AP2A2: variants seen among roughly 807,000 people sequenced by gnomAD.
The protein encoded by AP2A2 is AP-2 complex subunit alpha-2.
In AP2A2, 32 loss-of-function variants were observed where a neutral mutation model predicts 104.2. The ratio of observed to expected loss-of-function variants is 0.31; its 90% CI spans 0.23 to 0.41. AP2A2 has a LOEUF of 0.41. AP2A2 is among the 10% of genes least tolerant of loss of function. The pLI is 1.00. For missense variants in AP2A2, 912 were observed against 1,261.0 expected (o/e 0.72, Z 4.19); for synonymous variants, 539 against 533.3 (o/e 1.01, Z -0.15).
chr11:1,005,773 C>T (rs561165374), intron 16 of AP2A2, among the ~76,000 whole-genome samples: 1 of 152,292 alleles, frequency 6.6e-6, no homozygotes, highest in East Asian at 1.9e-4. Flanking sequence ...CAGGTGGTGC[C>T]TTTAGTCCTG....
At chr11:1,003,256 G>A (rs1382905075) in intron 15 of AP2A2, among the ~76,000 whole-genome samples, 1 of 152,238 alleles carries the variant, frequency 6.6e-6, no homozygotes, top group Non-Finnish European at 1.5e-5. Flanking sequence ...GGCCCTGCAG[G>A]GCTGTGCTGC....
intron 1 of AP2A2, among the ~76,000 whole-genome samples, chr11:958,339 C>A: frequency 6.6e-6 from 1 of 152,220 alleles, no homozygotes; most frequent in East Asian, 1.9e-4. Flanking sequence ...TTCAGCCGCC[C>A]CGTCTGGGGT....
intron 1 of AP2A2, among the ~76,000 whole-genome samples, chr11:928,301 T>G (rs140981004): frequency 2.4e-4 from 36 of 152,376 alleles, no homozygotes; most frequent in African/African-American, 7.7e-4. Context: ...CAGTTCTTTT[T>G]TATTATTGGC....
chr11:1,000,084 G>T (rs540701306), intron 14 of AP2A2, among the ~76,000 whole-genome samples: 3 of 152,170 alleles, frequency 2.0e-5, no homozygotes, highest in Non-Finnish European at 4.4e-5. Flanking sequence ...GGGATGACAG[G>T]TGTGAGCCAC....
At chr11:976,615 A>T (rs991113534) in intron 4 of AP2A2, among the ~76,000 whole-genome samples, 2 of 150,224 alleles carry the variant, frequency 1.3e-5, no homozygotes, top group African/African-American at 2.4e-5. Context: ...CCGTGTCTGT[A>T]GGGACCCGAA....
chr11:974,682 C>CAA (rs747053947), intron 4 of AP2A2, among the ~76,000 whole-genome samples: 74 of 49,602 alleles, frequency 1.5e-3, no homozygotes, highest in Admixed American at 6.1e-3. Flanking sequence ...GACTCTGTCT[C>CAA]AAAAAAAAAA....
At chr11:939,669 C>CCCTGA (rs1354637804) in intron 1 of AP2A2, among the ~76,000 whole-genome samples, 7 of 151,704 alleles carry the variant, frequency 4.6e-5, no homozygotes, top group Admixed American at 3.9e-4. Flanking sequence ...GGTTTTGAAC[C>CCCTGA]CCTGACCTCA....
chr11:988,882 C>T, intron 10 of AP2A2, 193 bp downstream of exon 10: 1 of 729,252 alleles, frequency 1.4e-6, no homozygotes, highest in Non-Finnish European at 2.2e-6. Context: ...GTGGTCCCCG[C>T]TACTCCTGAG....
Position 1,001,774 on chromosome 11 carries a change from G to A in AP2A2, c.2123+1176G>A, listed in dbSNP as rs78065365. 2.8e-3 allele frequency among the ~76,000 whole-genome samples: 424 copies of A among 152,314 alleles called. 13 individuals are homozygous for A. The East Asian group carries it at 0.075, about 27-fold the overall frequency. On this transcript the variant is annotated intron_variant, in intron 15 of 21. Transcript: ENST00000448903. ...GTGGCAGCCGTGGCCCTTCCCTGCT[G>A]GGCGCTGCCTGCCCTGTCTCCATAC...
chr11:935,050 G>C (rs1462627196), intron 1 of AP2A2, among the ~76,000 whole-genome samples: 1 of 125,624 alleles, frequency 8.0e-6, no homozygotes, highest in Non-Finnish European at 1.7e-5. Context: ...GTAGAGATGG[G>C]GTTTCACCAT....
chr11:993,307 C>T lies in AP2A2; in HGVS notation c.1476C>T (p.His492=), dbSNP rs373961196. Residue 492 remains histidine (H), a synonymous_variant, in exon 12 of 22, where the codon CAC becomes CAT. Transcript: ENST00000448903. The surrounding 1 kb of genome is among the most constrained non-coding windows in gnomAD (Gnocchi z 8.2). ...VFEALQAPAC[H]ENLVKVGGYI... ...AGGCTCTTCAGGCTCCCGCGTGCCA[C>T]GAGAACCTGGTCAAAGTGGGCGGCT... The T allele has an allele frequency of 3.2e-5, 52 of 1,611,436 alleles. No individual in the cohort carries two copies. Among genetic ancestry groups the T allele is most frequent in the East Asian group, 6.7e-5 (3 of 44,726 alleles).
chr11:954,810 T>C (rs1854182754), intron 1 of AP2A2, among the ~76,000 whole-genome samples: 1 of 152,168 alleles, frequency 6.6e-6, no homozygotes, highest in Admixed American at 6.6e-5. Flanking sequence ...AACTTGTCTC[T>C]GTTTCTGTCC....
chr11:993,723 G>A lies in AP2A2; in HGVS notation c.1551-31G>A. ...TGCTGCAGCCTGCGAGGGGACGACGGTGTCCCTGTGTTGTGCCTCCCCGTC... is the reference window on the plus strand; with the variant it reads ...TGCTGCAGCCTGCGAGGGGACGACGATGTCCCTGTGTTGTGCCTCCCCGTC... On this transcript the variant is annotated intron_variant, in intron 12 of 21. Transcript: ENST00000448903. The surrounding 1 kb of genome is among the most constrained non-coding windows in gnomAD (Gnocchi z 8.2). 4 of 1,526,706 alleles carry A rather than the reference G, an allele frequency of 2.6e-6. No individual in the cohort carries two copies. The highest frequency in any genetic ancestry group is 3.5e-6 in the Non-Finnish European group (4 of 1,128,508). 94.6% of individuals were successfully genotyped at this position (1,526,706 alleles called of 1,614,324 possible). A position where few individuals can be genotyped will look rare whatever the true frequency, so the allele number is the denominator to read the frequency against.
chr11:992,769 GGAGGTGCC>G lies in AP2A2; in HGVS notation c.1452+89_1452+96del. 6.6e-7 allele frequency: 1 copy of G among 1,514,686 alleles called. No individual in the cohort carries two copies. Among genetic ancestry groups the G allele is most frequent in the Non-Finnish European group, 9.1e-7 (1 of 1,101,470 alleles). 93.8% of individuals were successfully genotyped at this position (1,514,686 alleles called of 1,614,324 possible). A position where few individuals can be genotyped will look rare whatever the true frequency, so the allele number is the denominator to read the frequency against. ...GTGAGTGGTTCCAGCCTGCCTGCGTGGAGGTGCCGAGGGCCGTTGCTGACCCCTCTTGC... is the reference window on the plus strand; with the variant it reads ...GTGAGTGGTTCCAGCCTGCCTGCGTGGAGGGCCGTTGCTGACCCCTCTTGC... On this transcript the variant is annotated intron_variant, in intron 11 of 21. Transcript: ENST00000448903. The surrounding 1 kb of genome is among the most constrained non-coding windows in gnomAD (Gnocchi z 6.4).
In AP2A2 at chr11:981,270, G is replaced by A. The variant is rs769638278; in HGVS notation, c.676G>A (p.Val226Met). The part of the protein sequence containing the change: ...QKNPEEFKTS[V>M]SLAVSRLSRI... The stretch of plus-strand genomic sequence containing the variant: ...GAACCCAGAAGAGTTTAAAACCTCC[G>A]TGTCTCTGGCTGTCTCTAGGCTAAG... Residue 226 changes from valine to methionine, a missense_variant, in exon 6 of 22, where the codon GTG becomes ATG. This residue lies in a region of AP2A2 where 350 missense variants were observed against 487.0 expected (regional missense o/e 0.72). Transcript: ENST00000448903. 12 of 1,613,318 alleles carry A rather than the reference G, an allele frequency of 7.4e-6. No homozygotes were observed. The highest frequency in any genetic ancestry group is 4.0e-5 in the African/African-American group (3 of 74,930).
intron 10 of AP2A2, among the ~76,000 whole-genome samples, chr11:991,980 G>A (rs927716100): frequency 5.3e-5 from 8 of 152,090 alleles, no homozygotes; most frequent in African/African-American, 1.4e-4. Flanking sequence ...AGGTGCCTCC[G>A]GGGGGCACCC....
At chr11:935,841 G>A (rs530860870) in intron 1 of AP2A2, among the ~76,000 whole-genome samples, 4 of 149,936 alleles carry the variant, frequency 2.7e-5, no homozygotes, top group East Asian at 2.0e-4. Context: ...TGATCCACCC[G>A]CCTTGGCCTC....
intron 1 of AP2A2, among the ~76,000 whole-genome samples, chr11:937,690 C>T (rs1426019836): frequency 6.6e-6 from 1 of 152,114 alleles, no homozygotes; most frequent in Admixed American, 6.5e-5. Context: ...GATTGAATAT[C>T]TCATGTAATT....
chr11:1,007,731 C>G, intron 17 of AP2A2: 1 of 529,702 alleles, frequency 1.9e-6, no homozygotes, highest in Non-Finnish European at 3.4e-6. Context: ...TGTGTAAGAC[C>G]CAGAGCCGAG....
Sources: allele counts gnomAD v4.1 joint callset (sites outside exome capture counted in the v4.1 genomes callset), GRCh38; gene constraint gnomAD v4.1.1; regional missense constraint gnomAD v4.1.1; non-coding constraint Gnocchi (gnomAD v3.1); transcripts MANE v1.5; gene names NCBI Gene and HGNC (gene_info 2026-07-23, HGNC 2026-07-21).